OPCML: variants seen among roughly 807,000 people sequenced by gnomAD.
The protein encoded by OPCML is opioid-binding protein/cell adhesion molecule.
Under a neutral mutation model 37.8 loss-of-function variants are expected in OPCML, and 13 were observed. That is an observed-to-expected ratio of 0.34 (90% CI 0.22 to 0.55). The LOEUF (loss-of-function observed/expected upper bound fraction) is 0.55, where lower values mean the gene tolerates loss of function less well. Among genes scored for constraint, OPCML ranks in the 20% least tolerant of loss-of-function variants. The pLI is 0.91. For missense variants in OPCML, 341 were observed against 435.6 expected (o/e 0.78, Z 1.93); for synonymous variants, 176 against 168.8 (o/e 1.04, Z -0.33).
At chr11:133,305,600 C>T (rs1031906339) in intron 1 of OPCML, among the ~76,000 whole-genome samples, 1 of 152,166 alleles carries the variant, frequency 6.6e-6, no homozygotes, top group Non-Finnish European at 1.5e-5. Flanking sequence ...CCAAATTTTG[C>T]CACCCTTTTC....
chr11:132,949,142 T>G lies in OPCML; in HGVS notation c.62-6132A>C, dbSNP rs144468940. ...ACTCTAGCAACTTGAAACTGACAGG[T>G]AGTATCTGCAACCTGGAGAAGATAG... On this transcript the variant is annotated intron_variant, in intron 1 of 7. Transcript: ENST00000524381. 1.9e-3 allele frequency among the ~76,000 whole-genome samples: 290 copies of G among 152,292 alleles called. 8 individuals carry two copies. The highest frequency in any genetic ancestry group is 0.016 in the Admixed American group (251 of 15,300).
At chr11:133,357,339 C>T (rs901959046) in intron 1 of OPCML, among the ~76,000 whole-genome samples, 2 of 152,204 alleles carry the variant, frequency 1.3e-5, no homozygotes, top group Non-Finnish European at 2.9e-5. Context: ...TAACCCATGT[C>T]TCCCTAGGGT....
At chr11:133,455,607 G>A (rs761733557) in intron 1 of OPCML, among the ~76,000 whole-genome samples, 9 of 152,176 alleles carry the variant, frequency 5.9e-5, no homozygotes, top group Non-Finnish European at 1.3e-4. Context: ...TTGAGAATGT[G>A]CACATAATTA....
At chr11:132,561,498 C>T (rs1208181533) in intron 3 of OPCML, among the ~76,000 whole-genome samples, 1 of 152,198 alleles carries the variant, frequency 6.6e-6, no homozygotes, top group Non-Finnish European at 1.5e-5. Flanking sequence ...AGTGTGGGCT[C>T]CTTGACGGTG....
chr11:132,996,468 A>G (rs1002682185), intron 1 of OPCML, among the ~76,000 whole-genome samples: 1 of 151,560 alleles, frequency 6.6e-6, no homozygotes, highest in Non-Finnish European at 1.5e-5. Flanking sequence ...AAAAAAAAAA[A>G]AATACAAAAA....
rs529606725 is a variant in OPCML at position 133,420,655 on chromosome 11, T to A, written c.61+111609A>T. The A allele has an allele frequency of 9.7e-4, 958 of 985,438 alleles. 1 individual carries two copies. The highest frequency in any genetic ancestry group is 2.6e-3 in the Admixed American group (42 of 16,294). The allele number at this position is 985,438 out of a possible 1,614,324, so 61.0% of individuals were successfully genotyped here. The stretch of plus-strand genomic sequence containing the variant: ...AAGGGTATGGAGGCTTTAAGAAGTT[T>A]TGATTCTAATCAGGAAGTTGAAAAG... On this transcript the variant is annotated intron_variant, in intron 1 of 7. Transcript: ENST00000524381.
chr11:132,695,951 A>T (rs1943584745), intron 2 of OPCML, among the ~76,000 whole-genome samples: 1 of 152,160 alleles, frequency 6.6e-6, no homozygotes, highest in African/African-American at 2.4e-5. Context: ...GAGGGCAGAA[A>T]TGAGCAGTGG....
At chr11:133,407,503 TC>T (rs1945551201) in intron 1 of OPCML, among the ~76,000 whole-genome samples, 1 of 151,924 alleles carries the variant, frequency 6.6e-6, no homozygotes, top group Admixed American at 6.6e-5. Context: ...CCTTCCAGTC[TC>T]CCCAGCAGGG....
At chr11:132,871,885 C>T (rs1942807857) in intron 2 of OPCML, among the ~76,000 whole-genome samples, 1 of 152,182 alleles carries the variant, frequency 6.6e-6, no homozygotes, top group Admixed American at 6.5e-5. Flanking sequence ...ATGAAATCTG[C>T]CTTACCTGGG....
chr11:133,135,504 T>A (rs2137147013), intron 1 of OPCML, among the ~76,000 whole-genome samples: 1 of 151,698 alleles, frequency 6.6e-6, no homozygotes, highest in African/African-American at 2.4e-5. Context: ...TAGGAGGGTT[T>A]CCTCTCTTAG....
At chr11:133,033,460 A>T (rs1262576359) in intron 1 of OPCML, among the ~76,000 whole-genome samples, 2 of 152,210 alleles carry the variant, frequency 1.3e-5, no homozygotes, top group Admixed American at 1.3e-4. Context: ...GACACTCCAA[A>T]TATTATACAT....
intron 4 of OPCML, among the ~76,000 whole-genome samples, chr11:132,519,355 G>T (rs989694527): frequency 6.6e-6 from 1 of 152,058 alleles, no homozygotes; most frequent in Admixed American, 6.6e-5. Flanking sequence ...AGGGCCATCA[G>T]CTGCACAGTG....
intron 1 of OPCML, among the ~76,000 whole-genome samples, chr11:133,341,333 A>G (rs1189366909): frequency 6.6e-6 from 1 of 152,200 alleles, no homozygotes; most frequent in East Asian, 1.9e-4. Context: ...CAGCCTTCTC[A>G]TGTGTCAAAT....
intron 6 of OPCML, 150 bp from the exon 7 acceptor site, chr11:132,436,387 C>G (rs979839543): frequency 6.5e-7 from 1 of 1,533,188 alleles, no homozygotes; most frequent in Admixed American, 2.2e-5. Context: ...ATGCTCTTGC[C>G]CAATGGGATA....
rs77189746 is a variant in OPCML, at chr11:132,660,944, A to T, written c.147-3625T>A. 8.1e-3 allele frequency among the ~76,000 whole-genome samples: 1,241 copies of T among 152,298 alleles called. 6 individuals carry two copies. The highest frequency in any genetic ancestry group is 0.022 in the South Asian group (105 of 4,820). On this transcript the variant is annotated intron_variant, in intron 2 of 7. Transcript: ENST00000524381. ...GCAGATCAACTTTAGGGAATTTGAG[A>T]TCTTTGAAGTGCATTTCCTGAATCC...
chr11:133,308,809 G>T (rs564509541), intron 1 of OPCML, among the ~76,000 whole-genome samples: 1 of 152,252 alleles, frequency 6.6e-6, no homozygotes, highest in Admixed American at 6.5e-5. Context: ...GTGCTGAAAA[G>T]TATAAAAGCA....
In OPCML at chr11:132,746,179, A is replaced by G. The variant is rs1945628928; in HGVS notation, c.147-88860T>C. Among the ~76,000 whole-genome samples, 4 of 152,154 alleles carry G rather than the reference A, an allele frequency of 2.6e-5. No homozygotes were observed. The South Asian group carries it at 8.3e-4, about 32-fold the overall frequency. The stretch of plus-strand genomic sequence containing the variant: ...GGCTCCAGGAAACAGACAAGGAGAG[A>G]AGTGATGTTTCACACTCAGGACAGA... On this transcript the variant is annotated intron_variant, in intron 2 of 7. Transcript: ENST00000524381.
intron 2 of OPCML, among the ~76,000 whole-genome samples, chr11:132,792,741 A>G (rs551362331): frequency 9.9e-5 from 15 of 152,248 alleles, no homozygotes; most frequent in Admixed American, 5.2e-4. Flanking sequence ...AGTGAAGTGG[A>G]AACCTTCCTG....
At chr11:133,233,270 C>T (rs561725062) in intron 1 of OPCML, among the ~76,000 whole-genome samples, 36 of 152,258 alleles carry the variant, frequency 2.4e-4, no homozygotes, top group African/African-American at 8.2e-4. Context: ...AGGATCAGAA[C>T]GTGCCATCCC....
Sources: allele counts gnomAD v4.1 joint callset (sites outside exome capture counted in the v4.1 genomes callset), GRCh38; gene constraint gnomAD v4.1.1; transcripts MANE v1.5; gene names NCBI Gene and HGNC (gene_info 2026-07-23, HGNC 2026-07-21).